The following ADORA2B variants were observed in gnomAD, a reference collection of about 807,000 sequenced individuals.
The protein encoded by ADORA2B is adenosine receptor A2b.
A neutral mutation model predicts 20.8 loss-of-function variants in ADORA2B; 18 were observed. The ratio of observed to expected loss-of-function variants is 0.87; its 90% CI spans 0.60 to 1.29. The LOEUF is 1.29. Among genes scored for constraint, ADORA2B ranks in the 50% most tolerant of loss-of-function variants. ADORA2B has a pLI of 0.00. For synonymous variants in ADORA2B, 179 were observed against 178.3 expected (o/e 1.00, Z -0.03); for missense variants, 441 against 422.7 (o/e 1.04, Z -0.38).
At chr17:15,892,042 G>C in the ADORA2B span, among the ~76,000 whole-genome samples, 1 of 140,658 alleles carries the variant, frequency 7.1e-6, no homozygotes, top group Non-Finnish European at 1.5e-5. Flanking sequence ...TGTACTTTTA[G>C]TAGAGACGAG....
chr17:15,940,734 C>T (rs1167575653), upstream of ADORA2B, among the ~76,000 whole-genome samples: 1 of 152,208 alleles, frequency 6.6e-6, no homozygotes, highest in East Asian at 1.9e-4. Flanking sequence ...ATGGAATAAA[C>T]CATATTTGGT....
chr17:15,920,455 G>T, the ADORA2B span, among the ~76,000 whole-genome samples: 1 of 152,214 alleles, frequency 6.6e-6, no homozygotes, highest in African/African-American at 2.4e-5. Context: ...AGCCACAGTG[G>T]CTCACGCCTG....
chr17:15,861,793 G>A, the ADORA2B span, among the ~76,000 whole-genome samples: 1 of 152,148 alleles, frequency 6.6e-6, no homozygotes, highest in Non-Finnish European at 1.5e-5. Flanking sequence ...TCTTTCAACT[G>A]TTTCCTCTCT....
chr17:15,886,342 C>T, the ADORA2B span, among the ~76,000 whole-genome samples: 3 of 101,220 alleles, frequency 3.0e-5, 1 homozygote, highest in Non-Finnish European at 6.1e-5. Context: ...GGGTGAACCA[C>T]GTGCAGTAGA....
At chr17:15,860,031 TAATCGGTTATTTGCATAAGAA>T in the ADORA2B span, among the ~76,000 whole-genome samples, 1 of 152,306 alleles carries the variant, frequency 6.6e-6, no homozygotes, top group East Asian at 1.9e-4. Context: ...ACCCCTGACC[TAATCGGTTATTTGCATAAGAA>T]AAGCACTGTG....
chr17:15,927,856 T>TG, the ADORA2B span, among the ~76,000 whole-genome samples: 1 of 152,070 alleles, frequency 6.6e-6, no homozygotes, highest in Non-Finnish European at 1.5e-5. Flanking sequence ...AAGGTGGCTT[T>TG]CAACATCCAA....
chr17:15,968,602 G>T lies in ADORA2B; in HGVS notation c.336-6077G>T, dbSNP rs79830805. 2.0e-3 allele frequency among the ~76,000 whole-genome samples: 306 copies of T among 152,320 alleles called. 2 individuals are homozygous for T. Among genetic ancestry groups the T allele is most frequent in the African/African-American group, 6.9e-3 (288 of 41,560 alleles). ...CAGGCGGAGGAGGGAGCTGGAATTT[G>T]TGAGTTGAACATGGAAGAGCTGTAG... On this transcript the variant is annotated intron_variant, in intron 1 of 1. Transcript: ENST00000304222.
chr17:15,905,715 G>A, the ADORA2B span, among the ~76,000 whole-genome samples: 51 of 151,784 alleles, frequency 3.4e-4, no homozygotes, highest in Non-Finnish European at 6.0e-4. Context: ...GAGTGCAGTT[G>A]TGCGATCTCA....
At chr17:15,916,475 C>CA in the ADORA2B span, among the ~76,000 whole-genome samples, 59 of 144,330 alleles carry the variant, frequency 4.1e-4, no homozygotes, top group African/African-American at 1.4e-3. Flanking sequence ...TAGGGGCTCA[C>CA]AACTCTAAGG....
upstream of ADORA2B, among the ~76,000 whole-genome samples, chr17:15,940,941 T>C (rs186809726): frequency 6.6e-6 from 1 of 152,304 alleles, no homozygotes; most frequent in East Asian, 1.9e-4. Flanking sequence ...AGAGGAAAGC[T>C]ACTGAAGATG....
chr17:15,928,386 T>C, the ADORA2B span, among the ~76,000 whole-genome samples: 24 of 151,440 alleles, frequency 1.6e-4, no homozygotes, highest in Non-Finnish European at 3.1e-4. Flanking sequence ...AAGATAACAG[T>C]GCATTCTCTT....
At chr17:15,904,856 T>G in the ADORA2B span, among the ~76,000 whole-genome samples, 4 of 152,352 alleles carry the variant, frequency 2.6e-5, no homozygotes, top group Non-Finnish European at 4.4e-5. Context: ...TGTCAAAAAT[T>G]AGTTGACTAT....
the ADORA2B span, among the ~76,000 whole-genome samples, chr17:15,910,363 T>C: frequency 2.0e-5 from 3 of 152,038 alleles, no homozygotes; most frequent in African/African-American, 7.2e-5. Flanking sequence ...AGTGGCGTGA[T>C]CTCAGCTCCC....
At chr17:15,897,049 C>T in the ADORA2B span, among the ~76,000 whole-genome samples, 3 of 152,128 alleles carry the variant, frequency 2.0e-5, no homozygotes, top group African/African-American at 4.8e-5. Context: ...AAAAATCAGA[C>T]GATGGCCGTG....
chr17:15,952,252 G>C (rs183002267), intron 1 of ADORA2B, among the ~76,000 whole-genome samples: 1 of 152,286 alleles, frequency 6.6e-6, no homozygotes, highest in African/African-American at 2.4e-5. Flanking sequence ...ATATGGGGAA[G>C]TGTCCTCAGC....
the ADORA2B span, among the ~76,000 whole-genome samples, chr17:15,876,597 T>C: frequency 6.6e-6 from 1 of 152,164 alleles, no homozygotes; most frequent in South Asian, 2.1e-4. Context: ...CCCCTAATTA[T>C]CATATTTTTT....
At chr17:15,859,361 C>G in the ADORA2B span, among the ~76,000 whole-genome samples, 1 of 151,136 alleles carries the variant, frequency 6.6e-6, no homozygotes, top group Non-Finnish European at 1.5e-5. Context: ...GATTAATGGG[C>G]TGTTTTTGTT....
chr17:15,973,632 G>A (rs1970213179), intron 1 of ADORA2B, among the ~76,000 whole-genome samples: 1 of 152,188 alleles, frequency 6.6e-6, no homozygotes, highest in Admixed American at 6.5e-5. Flanking sequence ...GCACGCAGGG[G>A]ATCTACGCTG....
At chr17:15,889,054 G>A in the ADORA2B span, among the ~76,000 whole-genome samples, 1 of 119,336 alleles carries the variant, frequency 8.4e-6, no homozygotes, top group African/African-American at 3.7e-5. Flanking sequence ...ATAGAGACAA[G>A]CTTTCACCAT....
Sources: gnomAD v4.1 joint callset for allele counts (sites outside exome capture counted in the v4.1 genomes callset) on GRCh38, gnomAD v4.1.1 for gene constraint, MANE v1.5 for transcripts, NCBI Gene and HGNC (gene_info 2026-07-23, HGNC 2026-07-21) for gene names.